CYP4B1: variants seen among roughly 807,000 people sequenced by gnomAD.
CYP4B1 encodes cytochrome P450 4B1.
In CYP4B1, 45 loss-of-function variants were observed where a neutral mutation model predicts 54.0. The ratio of observed to expected loss-of-function variants is 0.83; its 90% CI spans 0.66 to 1.07. The LOEUF (loss-of-function observed/expected upper bound fraction) is 1.07, where lower values mean the gene tolerates loss of function less well. Ranked by LOEUF, CYP4B1 falls within the 50% of genes least tolerant of loss-of-function variation. The pLI is 0.00. For synonymous variants in CYP4B1, 248 were observed against 247.5 expected (o/e 1.00, Z -0.02); for missense variants, 656 against 655.4 (o/e 1.00, Z -0.01).
At chr1:46,800,227 TTC>T (rs1178978786) in intron 1 of CYP4B1, among the ~76,000 whole-genome samples, 2 of 22,280 alleles carry the variant, frequency 9.0e-5, no homozygotes, top group African/African-American at 2.0e-4. Context: ...CTTTCTCTCT[TTC>T]TTTCTTTCTT....
chr1:46,812,069 A>G (rs1225920579), intron 3 of CYP4B1: 1 of 433,598 alleles, frequency 2.3e-6, no homozygotes, highest in East Asian at 6.9e-5. Context: ...ACCTGAGGCC[A>G]TGAAGCACGA....
chr1:46,818,310 G>A, intron 11 of CYP4B1, 97 bp downstream of exon 11: 1 of 1,142,326 alleles, frequency 8.8e-7, no homozygotes, highest in Non-Finnish European at 1.3e-6. Flanking sequence ...TCTGAATAAA[G>A]GGGAATCATG....
intron 1 of CYP4B1, among the ~76,000 whole-genome samples, chr1:46,801,987 C>T (rs1330450523): frequency 6.6e-6 from 1 of 152,182 alleles, no homozygotes; most frequent in South Asian, 2.1e-4. Context: ...TGATTACAGT[C>T]TGGAGGCCTT....
intron 5 of CYP4B1, 126 bp from the exon 6 acceptor site, chr1:46,813,783 G>C: frequency 6.9e-7 from 1 of 1,439,000 alleles, no homozygotes; most frequent in Non-Finnish European, 9.5e-7. Flanking sequence ...TAGCAAGGAG[G>C]CTTAAGGGCA....
intron 1 of CYP4B1, among the ~76,000 whole-genome samples, chr1:46,809,391 T>C (rs1446123729): frequency 6.6e-6 from 1 of 152,226 alleles, no homozygotes; most frequent in Non-Finnish European, 1.5e-5. Flanking sequence ...TTTGGACATT[T>C]TTCCCTTCCT....
At chr1:46,811,100 A>G in intron 2 of CYP4B1, 40 bp from the exon 3 acceptor site, 1 of 1,612,680 alleles carries the variant, frequency 6.2e-7, no homozygotes, top group South Asian at 1.1e-5. Context: ...TCCTCTAGGA[A>G]CCCCGGGTCC....
At chr1:46,813,640 T>C (rs761075797) in intron 5 of CYP4B1, 34 bp downstream of exon 5, 1 of 1,611,870 alleles carries the variant, frequency 6.2e-7, no homozygotes, top group South Asian at 1.1e-5. Context: ...CCGCACTGTC[T>C]CCAAAGCCAT....
rs74072910 is a variant in CYP4B1, at chr1:46,802,812, C to T, written c.180+3551C>T. Among the ~76,000 whole-genome samples, 489 of 152,196 alleles carry T rather than the reference C, an allele frequency of 3.2e-3. 4 individuals carry two copies. Among genetic ancestry groups the T allele is most frequent in the African/African-American group, 9.2e-3 (381 of 41,520 alleles). ...TTTGGGCCTAGAGAAGGGCCCCTCT[C>T]GGCGTGGGGAGTCAGGGAAGGTCCA... On this transcript the variant is annotated intron_variant, in intron 1 of 11. Coordinates refer to ENST00000371923, the MANE Select transcript of CYP4B1 (RefSeq NM_001099772.2).
Position 46,819,024 on chromosome 1 carries a change from C to T in CYP4B1, c.*210C>T, listed in dbSNP as rs1679453918. ...TGTTTATCATGCATGTATTCTAGAG[C>T]TCATTCATTTATTCAACAAACATTT... On this transcript the variant is annotated 3_prime_UTR_variant, in exon 12 of 12. Coordinates refer to ENST00000371923, the MANE Select transcript of CYP4B1 (RefSeq NM_001099772.2). 1 of 468,670 alleles carries T rather than the reference C, an allele frequency of 2.1e-6. No individual in the cohort carries two copies. The highest frequency in any genetic ancestry group is 5.2e-5 in the South Asian group (1 of 19,090). 29.0% of individuals were successfully genotyped at this position (468,670 alleles called of 1,614,324 possible).
chr1:46,814,197 C>A lies in CYP4B1; in HGVS notation c.776-12C>A, dbSNP rs1557499840. ...GCTTCCCAGGCAGTGACACTCTGTG[C>A]TTTTGGTTCAGACCAGGTCATCAGG... On this transcript the variant is annotated splice_polypyrimidine_tract_variant and intron_variant, in intron 6 of 11. Transcript: ENST00000371923. 1 of 1,613,584 alleles carries A rather than the reference C, an allele frequency of 6.2e-7. No individual in the cohort carries two copies. Among genetic ancestry groups the A allele is most frequent in the African/African-American group, 1.3e-5 (1 of 74,898 alleles).
chr1:46,814,874 G>A (rs146267951), intron 7 of CYP4B1, 200 bp from the exon 8 acceptor site: 18 of 591,200 alleles, frequency 3.0e-5, no homozygotes, highest in African/African-American at 2.8e-4. Flanking sequence ...AGAGCATTTA[G>A]GGAGGGCTTT....
intron 1 of CYP4B1, among the ~76,000 whole-genome samples, chr1:46,807,778 G>A (rs1239561926): frequency 6.6e-6 from 1 of 152,242 alleles, no homozygotes; most frequent in Non-Finnish European, 1.5e-5. Context: ...GAGCCCTAGA[G>A]AAGGCACAGA....
chr1:46,815,209 C>A lies in CYP4B1; in HGVS notation c.1018C>A (p.His340Asn). Residue 340 changes from histidine to asparagine, a missense_variant, in exon 8 of 12, where the codon CAT (histidine) becomes AAT (asparagine). Transcript: ENST00000371923. ...YCMALYPEHQHRCREEVREIL... is the reference protein window; with the variant it reads ...YCMALYPEHQNRCREEVREIL... ...CATGGCCCTGTACCCTGAGCACCAG[C>A]ATCGTTGTAGAGAGGAGGTCCGCGA... 1 of 1,606,108 alleles carries A rather than the reference C, an allele frequency of 6.2e-7. No individual in the cohort carries two copies. The highest frequency in any genetic ancestry group is 8.5e-7 in the Non-Finnish European group (1 of 1,175,858).
intron 2 of CYP4B1, 65 bp from the exon 3 acceptor site, chr1:46,811,075 A>C: frequency 6.2e-7 from 1 of 1,605,214 alleles, no homozygotes; most frequent in Non-Finnish European, 8.5e-7. Flanking sequence ...TTCCCACCCT[A>C]CTCATAAATG....
Position 46,815,106 on chromosome 1 carries a change from C to A in CYP4B1, c.915C>A (p.Asp305Glu). The change falls in exon 8 of 12, where the codon GAC (aspartate) becomes GAA (glutamate). Residue 305 changes from aspartate (D) to glutamate (E), a missense_variant. By Grantham distance (45) the Asp-to-Glu change is conservative. Coordinates refer to ENST00000371923, the MANE Select transcript of CYP4B1 (RefSeq NM_001099772.2). ...DEDDIKLSDA[D>E]LRAEVDTFMF... The stretch of plus-strand genomic sequence containing the variant: ...ATGACATCAAACTGTCAGATGCAGA[C>A]CTCCGGGCTGAAGTGGACACATTCA... 5 of 1,614,224 alleles carry A rather than the reference C, an allele frequency of 3.1e-6. No individual in the cohort carries two copies. Among genetic ancestry groups the A allele is most frequent in the Non-Finnish European group, 3.4e-6 (4 of 1,180,040 alleles).
chr1:46,806,571 G>C (rs1678870463), intron 1 of CYP4B1, among the ~76,000 whole-genome samples: 2 of 152,234 alleles, frequency 1.3e-5, no homozygotes, highest in Non-Finnish European at 2.9e-5. Flanking sequence ...AGAGAGGTCA[G>C]GGTTCCACTA....
chr1:46,812,153 C>T (rs1037566266), intron 3 of CYP4B1: 9 of 482,252 alleles, frequency 1.9e-5, no homozygotes, highest in African/African-American at 5.9e-5. Context: ...TCAGCAGGCT[C>T]CCCCTCTGCT....
At chr1:46,799,345 G>A (rs562089850) in intron 1 of CYP4B1, 84 bp downstream of exon 1, 2 of 1,300,862 alleles carry the variant, frequency 1.5e-6, no homozygotes, top group Admixed American at 2.2e-5. Flanking sequence ...AGGGGGCTGT[G>A]GAGGGAGACT....
intron 1 of CYP4B1, among the ~76,000 whole-genome samples, chr1:46,800,191 T>TTCTCTTTC (rs1198704162): frequency 2.3e-5 from 1 of 44,358 alleles, no homozygotes; most frequent in African/African-American, 4.7e-5. Flanking sequence ...TTCTCTTTCT[T>TTCTCTTTC]TCTTTCTCTT....
Sources: gnomAD v4.1 joint callset for allele counts (sites outside exome capture counted in the v4.1 genomes callset) on GRCh38, gnomAD v4.1.1 for gene constraint, MANE v1.5 for transcripts, NCBI Gene and HGNC (gene_info 2026-07-23, HGNC 2026-07-21) for gene names.